The following PKP4 variants were observed in gnomAD, a reference collection of about 807,000 sequenced individuals.
PKP4 encodes the protein plakophilin-4.
A neutral mutation model predicts 145.1 loss-of-function variants in PKP4; 90 were observed. That is an observed-to-expected ratio of 0.62 (90% CI 0.52 to 0.74). The LOEUF (loss-of-function observed/expected upper bound fraction) is 0.74. PKP4 is among the 30% of genes least tolerant of loss of function. PKP4 has a pLI of 0.00. For synonymous variants in PKP4, 563 were observed against 577.2 expected (o/e 0.98, Z 0.35); for missense variants, 1,340 against 1,482.7 (o/e 0.90, Z 1.58).
chr2:158,589,138 G>A (rs958878050), intron 3 of PKP4, among the ~76,000 whole-genome samples: 5 of 152,228 alleles, frequency 3.3e-5, no homozygotes, highest in East Asian at 3.9e-4. Context: ...TTATAGTGTA[G>A]GAAAGAGAAT....
intron 2 of PKP4, among the ~76,000 whole-genome samples, chr2:158,562,440 C>G (rs1458416127): frequency 1.3e-5 from 2 of 152,094 alleles, no homozygotes; most frequent in Non-Finnish European, 2.9e-5. Context: ...CTAGAGTAGT[C>G]GAATTCATAG....
At chr2:158,522,665 TCCCAGCGTGAGCGACGCAGAAGAC>T (rs1559264387) in intron 1 of PKP4, among the ~76,000 whole-genome samples, 1 of 152,092 alleles carries the variant, frequency 6.6e-6, no homozygotes, top group Non-Finnish European at 1.5e-5. Flanking sequence ...GGTCTACAGC[TCCCAGCGTGAGCGACGCAGAAGAC>T]GGGTGATTTC....
At chr2:158,624,688 A>G (rs1212748271) in intron 6 of PKP4, among the ~76,000 whole-genome samples, 190 bp from the exon 7 acceptor site, 1 of 152,070 alleles carries the variant, frequency 6.6e-6, no homozygotes, top group Non-Finnish European at 1.5e-5. Context: ...AAAAAAAAAA[A>G]AAACTAAAAC....
chr2:158,586,952 G>T (rs1040090579), intron 3 of PKP4, among the ~76,000 whole-genome samples: 39 of 152,138 alleles, frequency 2.6e-4, no homozygotes, highest in African/African-American at 8.0e-4. Flanking sequence ...CGTATTTTAA[G>T]CTAAAAATGT....
chr2:158,583,075 C>G (rs2048467195), intron 3 of PKP4, among the ~76,000 whole-genome samples: 1 of 152,182 alleles, frequency 6.6e-6, no homozygotes, highest in Non-Finnish European at 1.5e-5. Context: ...CTCAGGAAAT[C>G]TCACAGCATA....
chr2:158,502,762 G>A (rs545230719), intron 1 of PKP4, among the ~76,000 whole-genome samples: 1 of 152,342 alleles, frequency 6.6e-6, no homozygotes, highest in Middle Eastern at 3.4e-3. Context: ...ATGCTGATAG[G>A]AGTTAATGGT....
In PKP4 at chr2:158,578,415, T is replaced by A. The variant is rs145447732; in HGVS notation, c.245+1032T>A. Among the ~76,000 whole-genome samples, 1,050 of 152,142 alleles carry A rather than the reference T, an allele frequency of 6.9e-3. 15 individuals are homozygous for A. Among genetic ancestry groups the A allele is most frequent in the African/African-American group, 0.024 (1,000 of 41,520 alleles). The stretch of plus-strand genomic sequence containing the variant: ...ATTATTTTATAAATATCCAGGAAGG[T>A]TTTTATAGAAAGAGAATTATAAGCA... On this transcript the variant is annotated intron_variant, in intron 3 of 21. Transcript: ENST00000389759.
chr2:158,678,488 G>T, intron 20 of PKP4, 93 bp from the exon 21 acceptor site: 1 of 865,596 alleles, frequency 1.2e-6, no homozygotes, highest in Non-Finnish European at 2.0e-6. Context: ...CCCTGTCGGG[G>T]ACAGTGCTAG....
intron 3 of PKP4, among the ~76,000 whole-genome samples, chr2:158,587,765 A>C (rs2048919138): frequency 6.6e-6 from 1 of 152,056 alleles, no homozygotes; most frequent in Non-Finnish European, 1.5e-5. Context: ...TATTGAACAT[A>C]AAATTCAAGT....
intron 1 of PKP4, among the ~76,000 whole-genome samples, chr2:158,463,657 T>A (rs1690139582): frequency 6.6e-6 from 1 of 152,202 alleles, no homozygotes; most frequent in South Asian, 2.1e-4. Flanking sequence ...TTGGTCTAGA[T>A]GCTCTCTAGA....
intron 1 of PKP4, among the ~76,000 whole-genome samples, chr2:158,515,149 A>G (rs913811902): frequency 6.6e-6 from 1 of 152,188 alleles, no homozygotes; most frequent in East Asian, 1.9e-4. Flanking sequence ...TATAACCCAG[A>G]TGGGGGAATT....
At chr2:158,551,701 C>A (rs1165679866) in intron 2 of PKP4, among the ~76,000 whole-genome samples, 1 of 152,120 alleles carries the variant, frequency 6.6e-6, no homozygotes, top group East Asian at 1.9e-4. Context: ...AGTACTTATT[C>A]TACTTAGCTG....
At chr2:158,558,136 C>T (rs1379723492) in intron 2 of PKP4, among the ~76,000 whole-genome samples, 1 of 152,192 alleles carries the variant, frequency 6.6e-6, no homozygotes, top group Non-Finnish European at 1.5e-5. Context: ...GCTCTATCTC[C>T]TCTGAATAAT....
At chr2:158,461,103 A>G (rs1293691328) in intron 1 of PKP4, among the ~76,000 whole-genome samples, 2 of 152,206 alleles carry the variant, frequency 1.3e-5, no homozygotes, top group African/African-American at 4.8e-5. Flanking sequence ...ATCAGGCTCT[A>G]AGTTGCCAAG....
chr2:158,656,700 G>A (rs1317557096), intron 11 of PKP4, among the ~76,000 whole-genome samples: 1 of 152,168 alleles, frequency 6.6e-6, no homozygotes, highest in East Asian at 1.9e-4. Context: ...GTTCCAGTCC[G>A]ACCATTCCCT....
At chr2:158,512,948 A>G (rs1473726001) in intron 1 of PKP4, among the ~76,000 whole-genome samples, 2 of 152,202 alleles carry the variant, frequency 1.3e-5, no homozygotes, top group Non-Finnish European at 2.9e-5. Context: ...AATCTTGTCA[A>G]AGGTGAAGAT....
intron 1 of PKP4, among the ~76,000 whole-genome samples, chr2:158,495,015 G>A (rs960579142): frequency 3.3e-5 from 5 of 151,298 alleles, no homozygotes; most frequent in Admixed American, 6.6e-5. Flanking sequence ...TCAGGAGTTC[G>A]AGAGCAGCCT....
chr2:158,643,109 C>T (rs140143409), intron 11 of PKP4, among the ~76,000 whole-genome samples: 2 of 152,236 alleles, frequency 1.3e-5, no homozygotes, highest in African/African-American at 4.8e-5. Flanking sequence ...TGTATTCCCA[C>T]GTACTTTACT....
At chr2:158,592,554 GCTCT>G (rs1389095178) in intron 3 of PKP4, among the ~76,000 whole-genome samples, 3 of 151,942 alleles carry the variant, frequency 2.0e-5, no homozygotes, top group African/African-American at 7.3e-5. Flanking sequence ...AGTGTATTAT[GCTCT>G]CTCTTTTCAC....
Sources: allele counts gnomAD v4.1 joint callset (sites outside exome capture counted in the v4.1 genomes callset), GRCh38; gene constraint gnomAD v4.1.1; transcripts MANE v1.5; gene names NCBI Gene and HGNC (gene_info 2026-07-23, HGNC 2026-07-21).